HECW1: variants seen among roughly 807,000 people sequenced by gnomAD.
The protein encoded by HECW1 is HECT, C2 and WW domain containing E3 ubiquitin protein ligase 1.
A neutral mutation model predicts 182.3 loss-of-function variants in HECW1; 61 were observed. The observed-to-expected ratio is 0.33, with a 90% confidence interval of 0.27 to 0.41. The LOEUF (loss-of-function observed/expected upper bound fraction) is 0.41. Ranked by LOEUF, HECW1 falls within the 10% of genes least tolerant of loss-of-function variation. The pLI is 1.00. For synonymous variants in HECW1, 859 were observed against 832.6 expected, an observed-to-expected ratio of 1.03 and a Z score of -0.55; for missense variants, 1,739 against 2,108.9, an observed-to-expected ratio of 0.82 and a Z score of 3.44.
At chr7:43,270,316 A>G (rs944689293) in intron 3 of HECW1, among the ~76,000 whole-genome samples, 1 of 152,186 alleles carries the variant, frequency 6.6e-6, no homozygotes, top group South Asian at 2.1e-4. Flanking sequence ...TGGGTTGACT[A>G]GGGCAGGAGG....
intron 6 of HECW1, among the ~76,000 whole-genome samples, chr7:43,374,773 C>CAAA (rs66910107): frequency 1.4e-4 from 2 of 14,496 alleles, no homozygotes; most frequent in Non-Finnish European, 1.8e-4. Context: ...GACTCCGTCT[C>CAAA]AAAAAAAAAA....
chr7:43,134,314 A>C (rs997048369), intron 2 of HECW1, among the ~76,000 whole-genome samples: 2 of 143,494 alleles, frequency 1.4e-5, no homozygotes, highest in African/African-American at 5.1e-5. Context: ...GAACCGCTTG[A>C]ACCCGGGAGG....
chr7:43,553,081 C>T (rs557731200), intron 28 of HECW1, among the ~76,000 whole-genome samples: 14 of 152,338 alleles, frequency 9.2e-5, no homozygotes, highest in African/African-American at 3.1e-4. Flanking sequence ...CGGTTCTAAC[C>T]GTGGCCTTCA....
At chr7:43,333,319 T>C (rs1811725684) in intron 5 of HECW1, among the ~76,000 whole-genome samples, 1 of 152,220 alleles carries the variant, frequency 6.6e-6, no homozygotes, top group Admixed American at 6.5e-5. Flanking sequence ...TCAGTGTGCC[T>C]CCTATAAAAA....
intron 2 of HECW1, among the ~76,000 whole-genome samples, chr7:43,196,508 AG>A (rs1794473259): frequency 6.6e-6 from 1 of 152,174 alleles, no homozygotes; most frequent in African/African-American, 2.4e-5. Context: ...GATCTCATTC[AG>A]CGTTGGAGTC....
chr7:43,121,728 A>G (rs1039036999), intron 2 of HECW1: 7 of 152,134 alleles, frequency 4.6e-5, no homozygotes, highest in African/African-American at 1.7e-4. Flanking sequence ...CTAATAGGAT[A>G]TGATTTATCT....
intron 13 of HECW1, among the ~76,000 whole-genome samples, chr7:43,457,562 C>T (rs542724694): frequency 6.6e-6 from 1 of 152,078 alleles, no homozygotes; most frequent in Non-Finnish European, 1.5e-5. Flanking sequence ...CATTTGAAGT[C>T]AGGAGTTCGA....
chr7:43,322,831 AC>A (rs1408957740), intron 5 of HECW1, among the ~76,000 whole-genome samples: 1 of 152,190 alleles, frequency 6.6e-6, no homozygotes, highest in Non-Finnish European at 1.5e-5. Flanking sequence ...CTCACCATGC[AC>A]CAATTTTTTC....
chr7:43,359,524 A>G lies in HECW1; in HGVS notation c.461-1362A>G, dbSNP rs139554208. Among the ~76,000 whole-genome samples the G allele has an allele frequency of 3.0e-3, 458 of 152,338 alleles. 2 individuals carry two copies. The highest frequency in any genetic ancestry group is 0.011 in the African/African-American group (446 of 41,574). ...AATCTATTCAGTTGTTCTGTATAAT[A>G]AGTAATGTTGTTTGAGGAGTTTTAA... On this transcript the variant is annotated intron_variant, in intron 5 of 29. Coordinates refer to ENST00000395891, the MANE Select transcript of HECW1 (RefSeq NM_015052.5).
chr7:43,159,293 CACTT>C (rs1238672212), intron 2 of HECW1, among the ~76,000 whole-genome samples: 4 of 151,948 alleles, frequency 2.6e-5, no homozygotes, highest in Non-Finnish European at 5.9e-5. Flanking sequence ...ATCAACTCAT[CACTT>C]ACCTTAGGTA....
At chr7:43,540,969 C>T (rs1482371098) in intron 24 of HECW1, among the ~76,000 whole-genome samples, 194 bp from the exon 25 acceptor site, 1 of 152,174 alleles carries the variant, frequency 6.6e-6, no homozygotes, top group Non-Finnish European at 1.5e-5. Context: ...TTCCTTTAGT[C>T]CCTAACAAGC....
At chr7:43,509,204 A>C in intron 24 of HECW1, 83 bp downstream of exon 24, 1 of 1,434,366 alleles carries the variant, frequency 7.0e-7, no homozygotes, top group Non-Finnish European at 9.7e-7. Context: ...CTCAAAGGCC[A>C]CTGTGTTTAG....
At chr7:43,471,333 C>A (rs1236198282) in intron 16 of HECW1, among the ~76,000 whole-genome samples, 1 of 152,186 alleles carries the variant, frequency 6.6e-6, no homozygotes, top group Admixed American at 6.5e-5. Flanking sequence ...AGTGGGGTGG[C>A]CATAGCTCAC....
chr7:43,555,616 A>C (rs2081990965), intron 29 of HECW1, among the ~76,000 whole-genome samples: 1 of 152,242 alleles, frequency 6.6e-6, no homozygotes, highest in Admixed American at 6.5e-5. Context: ...TACCTTTGCT[A>C]AATCCTTATT....
intron 5 of HECW1, among the ~76,000 whole-genome samples, chr7:43,334,564 C>T (rs1253881200): frequency 1.3e-5 from 2 of 152,184 alleles, no homozygotes; most frequent in African/African-American, 4.8e-5. Flanking sequence ...CTAAGCAAAA[C>T]CAGAGTTTGC....
rs1367018937 is a variant in HECW1, at chr7:43,432,405, C to G, written c.802-5598C>G. Among the ~76,000 whole-genome samples, 1 of 152,170 alleles carries G rather than the reference C, an allele frequency of 6.6e-6. No homozygotes were observed. Among genetic ancestry groups the G allele is most frequent in the Admixed American group, 6.5e-5 (1 of 15,288 alleles). On this transcript the variant is annotated intron_variant, in intron 8 of 29. Coordinates refer to ENST00000395891, the MANE Select transcript of HECW1 (RefSeq NM_015052.5). This position sits in a 1 kb window ranked among gnomAD's most constrained non-coding sequence, Gnocchi z 4.1. ...CCGCCCGCCTCGGCCTCCCAAAGTGCTGGGATTACAGGTGTGAGCCACCGC... is the reference window on the plus strand; with the variant it reads ...CCGCCCGCCTCGGCCTCCCAAAGTGGTGGGATTACAGGTGTGAGCCACCGC...
intron 6 of HECW1, among the ~76,000 whole-genome samples, chr7:43,370,846 A>T (rs908943546): frequency 3.3e-5 from 5 of 151,864 alleles, no homozygotes; most frequent in Non-Finnish European, 5.9e-5. Context: ...GCGGGGAAGG[A>T]TGAATAGGAG....
At chr7:43,561,015 A>G (rs2082191388) in intron 29 of HECW1, among the ~76,000 whole-genome samples, 1 of 152,248 alleles carries the variant, frequency 6.6e-6, no homozygotes. Context: ...AACTTCTGGC[A>G]GGGAGCAGCT....
At chr7:43,449,497 C>G (rs1014484873) in intron 11 of HECW1, among the ~76,000 whole-genome samples, 1 of 152,210 alleles carries the variant, frequency 6.6e-6, no homozygotes, top group African/African-American at 2.4e-5. Context: ...TTAAACCCAC[C>G]TTTCTTCCTA....
Sources: allele counts gnomAD v4.1 joint callset (sites outside exome capture counted in the v4.1 genomes callset), GRCh38; gene constraint gnomAD v4.1.1; non-coding constraint Gnocchi (gnomAD v3.1); transcripts MANE v1.5; gene names NCBI Gene and HGNC (gene_info 2026-07-23, HGNC 2026-07-21).